Variants in TERF2IP observed in about 807,000 individuals in gnomAD.
TERF2IP encodes TERF2 interacting protein, also known as telomeric repeat-binding factor 2-interacting protein 1.
In TERF2IP, 35 loss-of-function variants were observed where a neutral mutation model predicts 33.3. The observed-to-expected ratio is 1.05, with a 90% CI of 0.80 to 1.39. The LOEUF (loss-of-function observed/expected upper bound fraction) is 1.39, where lower values mean the gene tolerates loss of function less well. Among genes scored for constraint, TERF2IP ranks in the 40% most tolerant of loss-of-function variants. The pLI, the probability that TERF2IP is intolerant of heterozygous loss-of-function variation, is 0.00. For synonymous variants in TERF2IP, 253 were observed against 223.2 expected (o/e 1.13, Z -1.19); for missense variants, 583 against 524.8 (o/e 1.11, Z -1.08).
chr16:75,654,487 G>T, intron 2 of TERF2IP, 90 bp downstream of exon 2: 1 of 1,384,400 alleles, frequency 7.2e-7, no homozygotes. Flanking sequence ...CATCTACCTG[G>T]GGCTCAGGAA....
In TERF2IP at chr16:75,654,330, TC is replaced by T. The variant is rs1277012141; in HGVS notation, c.730del (p.Gln244ArgfsTer34). On this transcript the variant is annotated frameshift_variant, in exon 2 of 3. Coordinates refer to ENST00000300086, the MANE Select transcript of TERF2IP (RefSeq NM_018975.4). LOFTEE classifies it high-confidence loss of function. ...LPEEEYVKEEIQENEEAVKKM... is the reference protein window; with the variant it reads ...LPEEEYVKEEXQENEEAVKKM... ...GAAGAAGAGTATGTGAAGGAAGAAATCCAGGAGAATGAAGAAGCAGTCAAAA... is the reference window on the plus strand; with the variant it reads ...GAAGAAGAGTATGTGAAGGAAGAAATCAGGAGAATGAAGAAGCAGTCAAAA... 1.2e-6 allele frequency: 2 copies of T among 1,613,730 alleles called. No individual in the cohort carries two copies. Among genetic ancestry groups the T allele is most frequent in the African/African-American group, 2.7e-5 (2 of 74,888 alleles).
intron 1 of TERF2IP, among the ~76,000 whole-genome samples, chr16:75,650,378 G>T (rs557459304): frequency 2.0e-5 from 3 of 152,178 alleles, no homozygotes; most frequent in Non-Finnish European, 2.9e-5. Flanking sequence ...ATCGCCCTTA[G>T]GTGGGAGTAT....
At chr16:75,654,878 A>T (rs1045173317) in intron 2 of TERF2IP, among the ~76,000 whole-genome samples, 5 of 151,562 alleles carry the variant, frequency 3.3e-5, no homozygotes, top group Admixed American at 2.6e-4. Flanking sequence ...ACAGGCGCCC[A>T]CCACCATGCC....
In TERF2IP at chr16:75,656,637, A is replaced by C; in HGVS notation, c.*26A>C. ...TTGGCAAGATAATGAGAAAAGAAAA[A>C]AGTCATGGTAGGTGAGGTGGTTAAA... On this transcript the variant is annotated 3_prime_UTR_variant, in exon 3 of 3. Coordinates refer to ENST00000300086, the MANE Select transcript of TERF2IP (RefSeq NM_018975.4). 6.4e-7 allele frequency: 1 copy of C among 1,566,260 alleles called. No individual in the cohort carries two copies. The highest frequency in any genetic ancestry group is 1.2e-5 in the South Asian group (1 of 82,780).
In TERF2IP at chr16:75,647,802, C is replaced by T. The variant is rs2082309445; in HGVS notation, c.-81C>T. The T allele has an allele frequency of 1.3e-5, 20 of 1,588,714 alleles. No individual in the cohort carries two copies. In the South Asian group the frequency reaches 2.1e-4, roughly 17 times the overall value. ...CTGCGCTTCGCGGCAGAGGCGTCTG[C>T]GGTGACAGCTCAGTCAGTTGAGCTC... On this transcript the variant is annotated 5_prime_UTR_variant, in exon 1 of 3. Transcript: ENST00000300086.
chr16:75,648,926 A>T (rs780949481), intron 1 of TERF2IP, among the ~76,000 whole-genome samples: 1 of 151,184 alleles, frequency 6.6e-6, no homozygotes, highest in African/African-American at 2.4e-5. Flanking sequence ...CAGCCGCGCG[A>T]TCACGACCTA....
Position 75,647,788 on chromosome 16 carries a change from G to T in TERF2IP, c.-95G>T. 1 of 1,576,456 alleles carries T rather than the reference G, an allele frequency of 6.3e-7. No individual in the cohort carries two copies. Among genetic ancestry groups the T allele is most frequent in the Non-Finnish European group, 8.7e-7 (1 of 1,149,582 alleles). On this transcript the variant is annotated 5_prime_UTR_variant, in exon 1 of 3. Coordinates refer to ENST00000300086, the MANE Select transcript of TERF2IP (RefSeq NM_018975.4). ...GCGCAGGCCCAGTGCTGCGCTTCGC[G>T]GCAGAGGCGTCTGCGGTGACAGCTC...
chr16:75,655,192 A>AT (rs1246614417), intron 2 of TERF2IP, among the ~76,000 whole-genome samples: 3 of 152,044 alleles, frequency 2.0e-5, no homozygotes, highest in East Asian at 1.9e-4. Flanking sequence ...ACTTATAGTA[A>AT]TTTTTTTTAT....
chr16:75,648,294 GAT>G lies in TERF2IP; in HGVS notation c.413_414del (p.Asp138GlyfsTer23). ...QRHAGRIAFT[D>X]ADDVAILTYV... Reference sequence around the variant, plus strand: ...GCACGCCGGGCGGATCGCCTTCACGGATGCGGACGACGTAGCCATCCTTACCT... The same window carrying G: ...GCACGCCGGGCGGATCGCCTTCACGGGCGGACGACGTAGCCATCCTTACCT... On this transcript the variant is annotated frameshift_variant, in exon 1 of 3. Coordinates refer to ENST00000300086, the MANE Select transcript of TERF2IP (RefSeq NM_018975.4). LOFTEE classifies it high-confidence loss of function. 6.4e-7 allele frequency: 1 copy of G among 1,553,608 alleles called. No individual in the cohort carries two copies. Among genetic ancestry groups the G allele is most frequent in the Non-Finnish European group, 8.7e-7 (1 of 1,148,274 alleles).
chr16:75,650,195 T>C (rs904462305), intron 1 of TERF2IP, among the ~76,000 whole-genome samples: 1 of 152,220 alleles, frequency 6.6e-6, no homozygotes, highest in Non-Finnish European at 1.5e-5. Flanking sequence ...TGGTAAGGGC[T>C]ATAGAGAAAA....
intron 1 of TERF2IP, among the ~76,000 whole-genome samples, chr16:75,653,835 T>TTC (rs1023513885): frequency 3.3e-5 from 5 of 152,152 alleles, no homozygotes; most frequent in Non-Finnish European, 7.4e-5. Context: ...ATAAGTCAGC[T>TTC]TCTCTCTCTG....
In TERF2IP at chr16:75,647,804, G is replaced by T. The variant is rs1191956123; in HGVS notation, c.-79G>T. On this transcript the variant is annotated 5_prime_UTR_variant, in exon 1 of 3. Transcript: ENST00000300086. Reference sequence around the variant, plus strand: ...GCGCTTCGCGGCAGAGGCGTCTGCGGTGACAGCTCAGTCAGTTGAGCTCTG... The same window carrying T: ...GCGCTTCGCGGCAGAGGCGTCTGCGTTGACAGCTCAGTCAGTTGAGCTCTG... 4.4e-6 allele frequency: 7 copies of T among 1,590,352 alleles called. No homozygotes were observed. The highest frequency in any genetic ancestry group is 6.0e-6 in the Non-Finnish European group (7 of 1,161,514).
rs746540796 is a variant in TERF2IP at position 75,647,851 on chromosome 16, G to A, written c.-32G>A. 1.3e-5 allele frequency: 21 copies of A among 1,597,854 alleles called. No individual in the cohort carries two copies. The highest frequency in any genetic ancestry group is 7.8e-5 in the South Asian group (7 of 89,960). On this transcript the variant is annotated 5_prime_UTR_variant, in exon 1 of 3. Transcript: ENST00000300086. ...TCTGTGTGCCAGGCGCTCGCGAGGG[G>A]GTAGCTCTTCTAGTAGTGCTCGGCG...
In TERF2IP at chr16:75,648,151, G is replaced by A. The variant is rs780130428; in HGVS notation, c.269G>A (p.Arg90His). Residue 90 changes from arginine (R) to histidine (H), a missense_variant, in exon 1 of 3, where the codon CGC becomes CAC. Arg to His is a conservative substitution (Grantham distance 29). Coordinates refer to ENST00000300086, the MANE Select transcript of TERF2IP (RefSeq NM_018975.4). ...CAGTACATCCTGGACTGCGTGGAGCGCAACGAGAGGCTGGAGCTGGAGGCC... is the reference window on the plus strand; with the variant it reads ...CAGTACATCCTGGACTGCGTGGAGCACAACGAGAGGCTGGAGCTGGAGGCC... ...STQYILDCVE[R>H]NERLELEAYR... 1.9e-6 allele frequency: 3 copies of A among 1,564,126 alleles called. No individual in the cohort carries two copies. The highest frequency in any genetic ancestry group is 1.7e-6 in the Non-Finnish European group (2 of 1,157,224).
At chr16:75,651,650 C>T (rs2082348084) in intron 1 of TERF2IP, among the ~76,000 whole-genome samples, 1 of 152,120 alleles carries the variant, frequency 6.6e-6, no homozygotes, top group African/African-American at 2.4e-5. Context: ...GATCAAGCCC[C>T]TGCACTCCAG....
chr16:75,648,119 C>T lies in TERF2IP; in HGVS notation c.237C>T (p.Ile79=), dbSNP rs960215333. 1.7e-5 allele frequency: 27 copies of T among 1,558,764 alleles called. No individual in the cohort carries two copies. Among genetic ancestry groups the T allele is most frequent in the Middle Eastern group, 1.8e-4 (1 of 5,418 alleles). The change falls in exon 1 of 3, where the codon ATC becomes ATT. Residue 79 remains isoleucine, a synonymous_variant. Transcript: ENST00000300086. ...EALAEASGDF[I]STQYILDCVE... is the part of the protein sequence containing the mutation. ...TGGCCGAGGCCTCGGGTGATTTCATCTCCACGCAGTACATCCTGGACTGCG... is the reference window on the plus strand; with the variant it reads ...TGGCCGAGGCCTCGGGTGATTTCATTTCCACGCAGTACATCCTGGACTGCG...
At position 75,656,546 on chromosome 16, in the gene TERF2IP, G is replaced by C; in HGVS notation, c.1135G>C (p.Glu379Gln). 1 of 1,613,900 alleles carries C rather than the reference G, an allele frequency of 6.2e-7. No homozygotes were observed. The highest frequency in any genetic ancestry group is 8.5e-7 in the Non-Finnish European group (1 of 1,179,932). Residue 379 changes from glutamate (E) to glutamine (Q), a missense_variant, in exon 3 of 3, where the codon GAG becomes CAG. Transcript: ENST00000300086. ...DLQKDDEDTR[E>Q]ALVKKFGAQN... is the part of the protein sequence containing the mutation. ...GCAAAAAGATGATGAGGATACCAGA[G>C]AGGCATTGGTCAAAAAATTTGGTGC...
chr16:75,655,888 T>C (rs888690756), intron 2 of TERF2IP, among the ~76,000 whole-genome samples: 2 of 152,180 alleles, frequency 1.3e-5, no homozygotes, highest in African/African-American at 2.4e-5. Flanking sequence ...TATATATACA[T>C]ATATTTTTCA....
At position 75,650,537 on chromosome 16, in the gene TERF2IP, A is replaced by G. The variant is rs541007273; in HGVS notation, c.670+1985A>G. Among the ~76,000 whole-genome samples the G allele has an allele frequency of 5.9e-5, 9 of 152,056 alleles. No homozygotes were observed. The South Asian group carries it at 1.7e-3, about 28-fold the overall frequency. ...TTGCTTTTATTTTTATTTTATTTTA[A>G]TTTTATTATATATCTTGAGATGGGG... On this transcript the variant is annotated intron_variant, in intron 1 of 2. Transcript: ENST00000300086.
Sources: allele counts gnomAD v4.1 joint callset (sites outside exome capture counted in the v4.1 genomes callset), GRCh38; gene constraint gnomAD v4.1.1; transcripts MANE v1.5; gene names NCBI Gene and HGNC (gene_info 2026-07-23, HGNC 2026-07-21).